The following ADAM23 variants were observed in gnomAD, a reference collection of about 807,000 sequenced individuals.
ADAM23 encodes disintegrin and metalloproteinase domain-containing protein 23.
ADAM23 carries 33 observed loss-of-function variants against 120.1 expected under a neutral mutation model. The ratio of observed to expected loss-of-function variants is 0.27; its 90% CI spans 0.21 to 0.37. The LOEUF (loss-of-function observed/expected upper bound fraction) is 0.37. Ranked by LOEUF, ADAM23 falls within the 10% of genes least tolerant of loss-of-function variation. The pLI is 1.00. For missense variants in ADAM23, 862 were observed against 1,058.2 expected, an observed-to-expected ratio of 0.81 and a Z score of 2.57; for synonymous variants, 367 against 375.2, an observed-to-expected ratio of 0.98 and a Z score of 0.25.
intron 4 of ADAM23, among the ~76,000 whole-genome samples, chr2:206,541,441 A>C (rs1263350490): frequency 6.6e-6 from 1 of 152,212 alleles, no homozygotes; most frequent in Non-Finnish European, 1.5e-5. Context: ...GAACATAAAA[A>C]GTATAAACAT....
chr2:206,511,268 A>G (rs1320925685), intron 3 of ADAM23, among the ~76,000 whole-genome samples: 1 of 152,152 alleles, frequency 6.6e-6, no homozygotes, highest in Non-Finnish European at 1.5e-5. Context: ...TTTCTTTGAG[A>G]TCAGAGTATT....
chr2:206,596,753 C>G (rs565261546), intron 24 of ADAM23, among the ~76,000 whole-genome samples: 4 of 152,260 alleles, frequency 2.6e-5, no homozygotes, highest in East Asian at 3.9e-4. Context: ...GGACCACTCT[C>G]TATTTTCGCA....
chr2:206,507,019 G>C (rs113972234), intron 3 of ADAM23, among the ~76,000 whole-genome samples: 2 of 152,310 alleles, frequency 1.3e-5, no homozygotes, highest in Non-Finnish European at 2.9e-5. Flanking sequence ...GGATTGGATT[G>C]TACCTTACCT....
At chr2:206,540,923 TTTA>T (rs55892600) in intron 4 of ADAM23, among the ~76,000 whole-genome samples, 8,425 of 147,962 alleles carry the variant, frequency 0.057, 359 homozygotes, top group Admixed American at 0.14. Flanking sequence ...AATTATTATT[TTTA>T]TTATTATAAA....
intron 2 of ADAM23, among the ~76,000 whole-genome samples, chr2:206,480,304 G>A (rs911008253): frequency 6.6e-6 from 1 of 152,002 alleles, no homozygotes; most frequent in Non-Finnish European, 1.5e-5. Context: ...GTACTGGGAG[G>A]GAGATGCCTG....
intron 6 of ADAM23, among the ~76,000 whole-genome samples, chr2:206,547,142 T>C (rs558704161): frequency 2.1e-4 from 32 of 152,338 alleles, no homozygotes; most frequent in African/African-American, 7.5e-4. Context: ...TACATGTTTA[T>C]TGACTTTTTG....
chr2:206,452,871 TC>T (rs951271626), intron 2 of ADAM23, among the ~76,000 whole-genome samples: 1 of 152,148 alleles, frequency 6.6e-6, no homozygotes, highest in Non-Finnish European at 1.5e-5. Context: ...TCTTGACGTG[TC>T]TCCCATGACT....
At chr2:206,520,023 AAAAAAT>A (rs1696811902) in intron 3 of ADAM23, among the ~76,000 whole-genome samples, 1 of 152,182 alleles carries the variant, frequency 6.6e-6, no homozygotes, top group African/African-American at 2.4e-5. Flanking sequence ...TCAAAAAAAT[AAAAAAT>A]AAAAAGGAGC....
chr2:206,594,137 A>G (rs1342609450), intron 22 of ADAM23, among the ~76,000 whole-genome samples: 1 of 151,914 alleles, frequency 6.6e-6, no homozygotes, highest in Non-Finnish European at 1.5e-5. Context: ...ATACCATCCA[A>G]GTTTGTGTAA....
Position 206,445,288 on chromosome 2 carries a change from A to C in ADAM23, c.215-19A>C. On this transcript the variant is annotated intron_variant, in intron 1 of 25. Coordinates refer to ENST00000264377, the MANE Select transcript of ADAM23 (RefSeq NM_003812.4). ...GTATGTTTGTATTTTCTGCTCCCCCACCCCCCTACCTCCACCAGCTCCGCA... is the reference window on the plus strand; with the variant it reads ...GTATGTTTGTATTTTCTGCTCCCCCCCCCCCCTACCTCCACCAGCTCCGCA... 6.3e-7 allele frequency: 1 copy of C among 1,584,898 alleles called. No individual in the cohort carries two copies.
At chr2:206,604,992 A>C (rs1411223281) in intron 24 of ADAM23, among the ~76,000 whole-genome samples, 1 of 152,080 alleles carries the variant, frequency 6.6e-6, no homozygotes, top group Non-Finnish European at 1.5e-5. Context: ...TTAACACCAA[A>C]CTTCATTTTG....
chr2:206,470,016 C>G (rs1695620922), intron 2 of ADAM23, among the ~76,000 whole-genome samples: 1 of 152,080 alleles, frequency 6.6e-6, no homozygotes. Context: ...ATCTTTTTAC[C>G]TATATCACTC....
At chr2:206,570,117 T>G (rs1035797463) in intron 15 of ADAM23, among the ~76,000 whole-genome samples, 2 of 151,480 alleles carry the variant, frequency 1.3e-5, no homozygotes, top group Non-Finnish European at 2.9e-5. Flanking sequence ...GTAGACTAGA[T>G]TATTCTAGAA....
intron 2 of ADAM23, among the ~76,000 whole-genome samples, chr2:206,462,199 C>G (rs1164312716): frequency 6.6e-6 from 1 of 152,122 alleles, no homozygotes; most frequent in Non-Finnish European, 1.5e-5. Context: ...CACATGCACA[C>G]TTACACCTGT....
intron 3 of ADAM23, among the ~76,000 whole-genome samples, chr2:206,513,969 C>T (rs1188154617): frequency 6.6e-6 from 1 of 152,148 alleles, no homozygotes; most frequent in East Asian, 1.9e-4. Flanking sequence ...ACTGTTGAGA[C>T]CTATGGCACA....
chr2:206,462,867 T>C (rs188760410), intron 2 of ADAM23, among the ~76,000 whole-genome samples: 1 of 152,288 alleles, frequency 6.6e-6, no homozygotes, highest in East Asian at 1.9e-4. Context: ...ACTGATGGGT[T>C]TTAAACAAGG....
rs1000088343 is a variant in ADAM23, at chr2:206,619,516, C to G, written c.*1889C>G. The G allele has an allele frequency of 1.3e-5, 2 of 151,884 alleles. No homozygotes were observed. The highest frequency in any genetic ancestry group is 4.8e-5 in the African/African-American group (2 of 41,264). 9.4% of individuals were successfully genotyped at this position (151,884 alleles called of 1,614,324 possible). On this transcript the variant is annotated 3_prime_UTR_variant, in exon 26 of 26. Coordinates refer to ENST00000264377, the MANE Select transcript of ADAM23 (RefSeq NM_003812.4). ...AGCCCCTACTTCTCTAATGCCCCCC[C>G]CCTTTTTTTTTTAGGAAAAGAACAT...
At chr2:206,599,860 C>T (rs1261262816) in intron 24 of ADAM23, among the ~76,000 whole-genome samples, 1 of 152,170 alleles carries the variant, frequency 6.6e-6, no homozygotes, top group Non-Finnish European at 1.5e-5. Context: ...CAGTGTTTTA[C>T]TTACTGTAGG....
chr2:206,465,358 A>T (rs1297598429), intron 2 of ADAM23, among the ~76,000 whole-genome samples: 1 of 152,196 alleles, frequency 6.6e-6, no homozygotes, highest in African/African-American at 2.4e-5. Context: ...TGCAGATTCT[A>T]TAATTTTTAT....
Sources: gnomAD v4.1 joint callset for allele counts (sites outside exome capture counted in the v4.1 genomes callset) on GRCh38, gnomAD v4.1.1 for gene constraint, MANE v1.5 for transcripts, NCBI Gene and HGNC (gene_info 2026-07-23, HGNC 2026-07-21) for gene names.